The following CSMD2 variants were observed in gnomAD, a reference collection of about 807,000 sequenced individuals.
CSMD2 encodes CUB and Sushi multiple domains 2.
CSMD2 carries 130 observed loss-of-function variants against 398.5 expected under a neutral mutation model. That is an observed-to-expected ratio of 0.33 (90% CI 0.28 to 0.38). The LOEUF is 0.38. Among genes scored for constraint, CSMD2 ranks in the 10% least tolerant of loss-of-function variants. CSMD2 has a pLI of 1.00. For synonymous variants in CSMD2, 1,828 were observed against 1,908.5 expected (o/e 0.96, Z 1.10); for missense variants, 3,829 against 4,764.9 (o/e 0.80, Z 5.78).
intron 1 of CSMD2, among the ~76,000 whole-genome samples, chr1:34,147,795 C>T (rs1639920814): frequency 6.6e-6 from 1 of 152,144 alleles, no homozygotes; most frequent in South Asian, 2.1e-4. Context: ...CTGCGTAACA[C>T]AGGGTATGGT....
intron 1 of CSMD2, among the ~76,000 whole-genome samples, chr1:34,122,577 C>A (rs1003307856): frequency 3.3e-5 from 5 of 152,138 alleles, no homozygotes; most frequent in African/African-American, 1.2e-4. Context: ...CATAGAACCT[C>A]CTCCCACCCA....
intron 13 of CSMD2, among the ~76,000 whole-genome samples, chr1:33,768,570 G>C (rs190052614): frequency 6.9e-6 from 1 of 145,526 alleles, no homozygotes; most frequent in Non-Finnish European, 1.5e-5. Context: ...GTGTGTGTGT[G>C]TGTGTGTGTC....
intron 25 of CSMD2, among the ~76,000 whole-genome samples, chr1:33,669,848 C>T (rs1031812782): frequency 2.6e-5 from 4 of 152,046 alleles, no homozygotes; most frequent in African/African-American, 9.7e-5. Context: ...GGAAGGAGAC[C>T]ATGTGATGGA....
intron 1 of CSMD2, among the ~76,000 whole-genome samples, chr1:34,161,742 C>A (rs1383738840): frequency 1.3e-5 from 2 of 152,086 alleles, no homozygotes; most frequent in Non-Finnish European, 2.9e-5. Flanking sequence ...ACATGAAGAC[C>A]CCTTTGAAGA....
intron 6 of CSMD2, among the ~76,000 whole-genome samples, chr1:33,840,726 T>C (rs972986403): frequency 6.6e-6 from 1 of 152,238 alleles, no homozygotes; most frequent in Non-Finnish European, 1.5e-5. Context: ...AGGCTCACTC[T>C]GGACTGAACT....
intron 5 of CSMD2, chr1:33,884,577 C>T (rs1641459120): frequency 6.6e-6 from 1 of 152,330 alleles, no homozygotes; most frequent in Non-Finnish European, 1.5e-5. Context: ...CAGGCCTCAT[C>T]ATCTCTCACC....
intron 3 of CSMD2, among the ~76,000 whole-genome samples, chr1:33,969,703 G>A (rs1645685515): frequency 6.6e-6 from 1 of 152,126 alleles, no homozygotes; most frequent in Non-Finnish European, 1.5e-5. Flanking sequence ...TGCAAAGCCT[G>A]TGCTCTTAGC....
intron 3 of CSMD2, among the ~76,000 whole-genome samples, chr1:34,025,160 C>T (rs1649471427): frequency 6.6e-6 from 1 of 152,218 alleles, no homozygotes; most frequent in Non-Finnish European, 1.5e-5. Flanking sequence ...CTGTCCATCC[C>T]TCACAGATGA....
intron 26 of CSMD2, 134 bp downstream of exon 26, chr1:33,662,756 G>A: frequency 1.2e-6 from 1 of 862,682 alleles, no homozygotes; most frequent in South Asian, 1.5e-5. Context: ...TGCTAACCAT[G>A]TACCAGGCAC....
At chr1:33,583,964 T>C (rs1638898821) in intron 46 of CSMD2, 134 bp from the exon 47 acceptor site, 1 of 687,856 alleles carries the variant, frequency 1.5e-6, no homozygotes, top group South Asian at 1.9e-5. Flanking sequence ...AGATCCCACA[T>C]CCATCACTGT....
intron 2 of CSMD2, among the ~76,000 whole-genome samples, chr1:34,062,350 C>A (rs1404820037): frequency 6.6e-6 from 1 of 152,208 alleles, no homozygotes; most frequent in Non-Finnish European, 1.5e-5. Context: ...TCATTGACAT[C>A]CATCAGGGGT....
At chr1:33,860,257 G>A (rs906188727) in intron 5 of CSMD2, among the ~76,000 whole-genome samples, 1 of 152,114 alleles carries the variant, frequency 6.6e-6, no homozygotes, top group African/African-American at 2.4e-5. Flanking sequence ...CCTTGCCCTG[G>A]TTTTTTAAAA....
rs1640507630 is a variant in CSMD2, at chr1:33,605,205, G to A, written c.6532+77C>T. The A allele has an allele frequency of 3.7e-6, 5 of 1,360,920 alleles. No individual in the cohort carries two copies. In the South Asian group the frequency reaches 5.4e-5, roughly 15 times the overall value. The allele number at this position is 1,360,920 out of a possible 1,614,324, so 84.3% of individuals were successfully genotyped here. On this transcript the variant is annotated intron_variant, in intron 42 of 70. Transcript: ENST00000373381. ...CCTGGAGATCCCACAGAGCAGGTAG[G>A]TGGAACATGGGATTGCTCTGGACCA...
At chr1:33,691,332 G>A (rs1005387591) in intron 25 of CSMD2, among the ~76,000 whole-genome samples, 6 of 152,168 alleles carry the variant, frequency 3.9e-5, no homozygotes, top group African/African-American at 1.4e-4. Flanking sequence ...TATGCTTTCA[G>A]AAGGTTATCC....
intron 12 of CSMD2, among the ~76,000 whole-genome samples, chr1:33,788,249 TG>T (rs1653778091): frequency 6.6e-6 from 1 of 152,212 alleles, no homozygotes; most frequent in East Asian, 1.9e-4. Context: ...GGCTCACGCC[TG>T]TAACCCCAGC....
At chr1:33,766,206 T>A (rs1650472749) in intron 13 of CSMD2, among the ~76,000 whole-genome samples, 1 of 152,204 alleles carries the variant, frequency 6.6e-6, no homozygotes, top group Non-Finnish European at 1.5e-5. Context: ...TGGGTGTTTA[T>A]GTGTGCGTCA....
chr1:33,956,629 C>T (rs1645177842), intron 3 of CSMD2, among the ~76,000 whole-genome samples: 1 of 152,072 alleles, frequency 6.6e-6, no homozygotes, highest in Admixed American at 6.5e-5. Context: ...TCTCTATGTT[C>T]CACCCCCACA....
At chr1:33,789,113 C>T (rs1653910544) in intron 11 of CSMD2, among the ~76,000 whole-genome samples, 1 of 152,190 alleles carries the variant, frequency 6.6e-6, no homozygotes, top group Non-Finnish European at 1.5e-5. Flanking sequence ...GCCACCCCCA[C>T]CTCCTTGCTG....
chr1:33,916,588 A>G (rs543771821), intron 5 of CSMD2, among the ~76,000 whole-genome samples: 1 of 152,282 alleles, frequency 6.6e-6, no homozygotes, highest in East Asian at 1.9e-4. Flanking sequence ...CCCTCTGACC[A>G]GGGTAGGAAA....
Sources: gnomAD v4.1 joint callset for allele counts (sites outside exome capture counted in the v4.1 genomes callset) on GRCh38, gnomAD v4.1.1 for gene constraint, MANE v1.5 for transcripts, NCBI Gene and HGNC (gene_info 2026-07-23, HGNC 2026-07-21) for gene names.